The following CUX1 variants were observed in gnomAD, a reference collection of about 807,000 sequenced individuals.
CUX1 encodes the protein protein CASP.
CUX1 carries 31 observed loss-of-function variants against 158.8 expected under a neutral mutation model. That is an observed-to-expected ratio of 0.20 (90% CI 0.15 to 0.26). The LOEUF is 0.26. CUX1 is among the 10% of genes least tolerant of loss of function. The probability of loss-of-function intolerance (pLI) is 1.00; values close to 1 mark genes in which losing one functional copy is unlikely to be tolerated. For synonymous variants in CUX1, 879 were observed against 862.1 expected (o/e 1.02, Z -0.34); for missense variants, 1,589 against 2,014.6 (o/e 0.79, Z 4.04).
At chr7:102,097,233 G>C (rs1554484495) in intron 4 of CUX1, 131 bp from the exon 5 acceptor site, 1 of 1,091,968 alleles carries the variant, frequency 9.2e-7, no homozygotes, top group East Asian at 2.5e-5. Flanking sequence ...CTGGCTGCAG[G>C]GGCATGACTG....
intron 12 of CUX1, among the ~76,000 whole-genome samples, chr7:102,191,802 C>G (rs1794309157): frequency 6.6e-6 from 1 of 151,680 alleles, no homozygotes; most frequent in Non-Finnish European, 1.5e-5. Flanking sequence ...GCTCCTCCTC[C>G]TCCTCCTCTT....
chr7:102,035,812 G>A (rs1267060054), intron 3 of CUX1, among the ~76,000 whole-genome samples: 4 of 151,964 alleles, frequency 2.6e-5, no homozygotes, highest in East Asian at 1.9e-4. Context: ...CTATTGAAGC[G>A]ATCACTTTTC....
intron 11 of CUX1, among the ~76,000 whole-genome samples, chr7:102,186,318 A>G (rs1426667547): frequency 5.3e-5 from 8 of 152,082 alleles, no homozygotes; most frequent in Admixed American, 1.3e-4. Flanking sequence ...AGCCTCCCCT[A>G]GGCTCCATCC....
chr7:101,903,672 A>G (rs1230683058), intron 1 of CUX1, among the ~76,000 whole-genome samples: 1 of 152,116 alleles, frequency 6.6e-6, no homozygotes, highest in African/African-American at 2.4e-5. Flanking sequence ...CTGCCCCGGC[A>G]CCTGCTCCGC....
At chr7:102,039,280 G>A (rs566187921) in intron 3 of CUX1, among the ~76,000 whole-genome samples, 30 of 152,248 alleles carry the variant, frequency 2.0e-4, no homozygotes, top group Admixed American at 6.5e-4. Flanking sequence ...GACTGGCCTC[G>A]ATCCTGGGGC....
intron 4 of CUX1, among the ~76,000 whole-genome samples, chr7:102,081,406 G>C (rs899714455): frequency 6.8e-5 from 10 of 146,404 alleles, no homozygotes; most frequent in African/African-American, 2.4e-4. Flanking sequence ...CATGGGGGCA[G>C]TTTCCCCGTG....
intron 20 of CUX1, among the ~76,000 whole-genome samples, chr7:102,216,619 C>CCCCA (rs1554524756): frequency 5.0e-4 from 37 of 73,978 alleles, no homozygotes; most frequent in East Asian, 8.9e-4. Context: ...CACACACTCC[C>CCCCA]CACACACACA....
At chr7:101,830,541 C>G (rs1337148127) in intron 1 of CUX1, among the ~76,000 whole-genome samples, 1 of 152,208 alleles carries the variant, frequency 6.6e-6, no homozygotes, top group Non-Finnish European at 1.5e-5. Flanking sequence ...CAACCGCGAA[C>G]TCCCAGGCTC....
At position 102,255,262 on chromosome 7, in the gene CUX1, G is replaced by C. The variant is rs1789773280; in HGVS notation, c.*6220G>C. On this transcript the variant is annotated 3_prime_UTR_variant, in exon 24 of 24. Coordinates refer to ENST00000292535, the MANE Select transcript of CUX1 (RefSeq NM_181552.4). ...AGATAACCGTGTCCATGCCATCCGTGGCATCATCTCGAGTTTTCATTTTTG... is the reference window on the plus strand; with the variant it reads ...AGATAACCGTGTCCATGCCATCCGTCGCATCATCTCGAGTTTTCATTTTTG... 1 of 985,266 alleles carries C rather than the reference G, an allele frequency of 1.0e-6. No homozygotes were observed. The highest frequency in any genetic ancestry group is 1.2e-6 in the Non-Finnish European group (1 of 829,938). 61.0% of individuals were successfully genotyped at this position (985,266 alleles called of 1,614,324 possible).
chr7:102,075,138 C>T (rs1056750207), intron 4 of CUX1, among the ~76,000 whole-genome samples: 7 of 152,172 alleles, frequency 4.6e-5, no homozygotes, highest in Admixed American at 1.3e-4. Flanking sequence ...GGATTACAGG[C>T]GTGAGCACCA....
chr7:101,857,024 G>A (rs979228404), intron 1 of CUX1, among the ~76,000 whole-genome samples: 1 of 152,132 alleles, frequency 6.6e-6, no homozygotes, highest in Non-Finnish European at 1.5e-5. Context: ...GCCCAGCTCC[G>A]GTTCCTGTTT....
chr7:101,823,670 A>G (rs192528052), intron 1 of CUX1, among the ~76,000 whole-genome samples: 18 of 152,268 alleles, frequency 1.2e-4, no homozygotes, highest in Admixed American at 2.6e-4. Context: ...ATACCTTTCT[A>G]TTGGGCTGTG....
intron 20 of CUX1, among the ~76,000 whole-genome samples, chr7:102,223,205 C>T (rs1222815651): frequency 6.6e-6 from 1 of 151,666 alleles, no homozygotes; most frequent in Non-Finnish European, 1.5e-5. Context: ...GAAGATCACT[C>T]GAGGCCAAGA....
chr7:102,280,840 G>T lies in CUX1; in HGVS notation c.1801G>T (p.Asp601Tyr). ...GAAGTACCTGAGCTTGAGTCCCTGGGACAAGGCCACCCTCAGCATGGTGAG... is the reference window on the plus strand; with the variant it reads ...GAAGTACCTGAGCTTGAGTCCCTGGTACAAGGCCACCCTCAGCATGGTGAG... The change falls in exon 20 of 23, where the codon GAC (aspartate) becomes TAC (tyrosine). Residue 601 changes from aspartate (D) to tyrosine (Y), a missense_variant. Transcript: ENST00000292538. The T allele has an allele frequency of 1.9e-6, 3 of 1,612,696 alleles. No homozygotes were observed. The East Asian group carries it at 6.7e-5, about 36-fold the overall frequency.
intron 23 of CUX1, among the ~76,000 whole-genome samples, chr7:102,244,523 C>G (rs938441777): frequency 2.3e-5 from 1 of 43,602 alleles, no homozygotes; most frequent in African/African-American, 4.5e-5. Flanking sequence ...CATAGTGAGA[C>G]CACGTCTACA....
chr7:102,086,375 G>A (rs1554480510), intron 4 of CUX1, among the ~76,000 whole-genome samples: 1 of 151,402 alleles, frequency 6.6e-6, no homozygotes, highest in Non-Finnish European at 1.5e-5. Context: ...ATTTCATTGT[G>A]GTCAGAGTAC....
chr7:102,120,748 G>A (rs1304271913), intron 8 of CUX1, among the ~76,000 whole-genome samples: 4 of 152,200 alleles, frequency 2.6e-5, no homozygotes, highest in African/African-American at 9.7e-5. Flanking sequence ...AGATCCCAAA[G>A]GAGGACATAA....
At chr7:102,280,238 C>T (rs1791962663) in intron 19 of CUX1, 2 of 657,714 alleles carry the variant, frequency 3.0e-6, no homozygotes, top group South Asian at 3.5e-5. Flanking sequence ...CTCCCCTCCA[C>T]CTGCCCTTGT....
chr7:101,839,587 C>T (rs1028872567), intron 1 of CUX1, among the ~76,000 whole-genome samples: 1 of 152,048 alleles, frequency 6.6e-6, no homozygotes, highest in African/African-American at 2.4e-5. Context: ...CCAGGGAAGT[C>T]GATCTTTGCG....
Sources: allele counts gnomAD v4.1 joint callset (sites outside exome capture counted in the v4.1 genomes callset), GRCh38; gene constraint gnomAD v4.1.1; transcripts MANE v1.5; gene names NCBI Gene and HGNC (gene_info 2026-07-23, HGNC 2026-07-21).